The following DIAPH3 variants were observed in gnomAD, a reference collection of about 807,000 sequenced individuals.
DIAPH3 encodes protein diaphanous homolog 3.
In DIAPH3, 117 loss-of-function variants were observed where a neutral mutation model predicts 144.3. The observed-to-expected ratio is 0.81, with a 90% CI of 0.70 to 0.95. The LOEUF is 0.95. DIAPH3 is among the 40% of genes least tolerant of loss of function. DIAPH3 has a pLI of 0.00. For synonymous variants in DIAPH3, 519 were observed against 488.9 expected (o/e 1.06, Z -0.81); for missense variants, 1,421 against 1,412.7 (o/e 1.01, Z -0.09).
chr13:59,928,986 G>T (rs2047887348), intron 17 of DIAPH3, among the ~76,000 whole-genome samples: 1 of 152,128 alleles, frequency 6.6e-6, no homozygotes, highest in Admixed American at 6.6e-5. Flanking sequence ...TAAGAAAGAA[G>T]AGTGTAGCAA....
At chr13:59,730,634 A>T (rs940516651) in intron 27 of DIAPH3, among the ~76,000 whole-genome samples, 4 of 152,210 alleles carry the variant, frequency 2.6e-5, no homozygotes, top group Non-Finnish European at 5.9e-5. Flanking sequence ...TATAAAAAGT[A>T]TAGTAGTAGT....
At chr13:60,026,353 A>T (rs926321033) in intron 5 of DIAPH3, among the ~76,000 whole-genome samples, 25 of 152,194 alleles carry the variant, frequency 1.6e-4, no homozygotes, top group Admixed American at 1.5e-3. Flanking sequence ...AAATTGCTGT[A>T]GAAGTAAATG....
chr13:59,687,793 A>G (rs1209204140), intron 27 of DIAPH3, among the ~76,000 whole-genome samples: 2 of 152,238 alleles, frequency 1.3e-5, no homozygotes, highest in East Asian at 3.9e-4. Flanking sequence ...CAGGCAGGAC[A>G]ACCACATGCC....
In DIAPH3 at chr13:60,016,233, T is replaced by G. The variant is rs1486273123; in HGVS notation, c.627-88A>C. On this transcript the variant is annotated intron_variant, in intron 5 of 27. Transcript: ENST00000400324. ...ATACCTACAAGTATTTTATATTTGC[T>G]ATATTCCTAATCGTAACTAAAACAT... The G allele has an allele frequency of 6.2e-5, 73 of 1,173,938 alleles. 1 individual carries two copies. The South Asian group carries it at 8.8e-4, about 14-fold the overall frequency. The allele number at this position is 1,173,938 out of a possible 1,614,324, so 72.7% of individuals were successfully genotyped here.
At chr13:59,993,722 AC>A (rs1026285099) in intron 9 of DIAPH3, among the ~76,000 whole-genome samples, 9 of 149,194 alleles carry the variant, frequency 6.0e-5, no homozygotes, top group East Asian at 3.9e-4. Context: ...AAAAAAAAAA[AC>A]TTAACAGAAT....
At chr13:59,679,630 A>G (rs761800786) in intron 27 of DIAPH3, among the ~76,000 whole-genome samples, 10 of 152,224 alleles carry the variant, frequency 6.6e-5, no homozygotes, top group Non-Finnish European at 1.2e-4. Flanking sequence ...AGATACAGTA[A>G]CTGTTAGTTG....
intron 17 of DIAPH3, among the ~76,000 whole-genome samples, chr13:59,938,610 A>G (rs1054846027): frequency 6.8e-6 from 1 of 147,438 alleles, no homozygotes; most frequent in South Asian, 2.1e-4. Flanking sequence ...CCTTGTTTGG[A>G]AAAAAAAAAA....
At chr13:59,720,437 TA>T (rs759165224) in intron 27 of DIAPH3, among the ~76,000 whole-genome samples, 30 of 152,188 alleles carry the variant, frequency 2.0e-4, no homozygotes, top group Middle Eastern at 6.8e-3. Flanking sequence ...TTTTATTTTG[TA>T]AAAAAAGTTC....
At chr13:59,890,415 C>A (rs889662217) in intron 20 of DIAPH3, among the ~76,000 whole-genome samples, 10 of 152,124 alleles carry the variant, frequency 6.6e-5, no homozygotes, top group African/African-American at 2.2e-4. Context: ...CTTTTCTCTA[C>A]TGGCTGCTCA....
chr13:60,076,031 G>A (rs942909565), intron 4 of DIAPH3, among the ~76,000 whole-genome samples: 1 of 152,220 alleles, frequency 6.6e-6, no homozygotes. Flanking sequence ...CCTAAGACAA[G>A]TCACAGTCAA....
intron 27 of DIAPH3, among the ~76,000 whole-genome samples, chr13:59,710,607 T>G (rs903580563): frequency 5.3e-5 from 8 of 152,350 alleles, no homozygotes; most frequent in Admixed American, 2.6e-4. Context: ...TGTGTGAGCC[T>G]GGGAAAATCT....
chr13:59,931,125 T>C (rs2047997955), intron 17 of DIAPH3, among the ~76,000 whole-genome samples: 1 of 152,206 alleles, frequency 6.6e-6, no homozygotes, highest in Non-Finnish European at 1.5e-5. Flanking sequence ...ATGTTCTTTT[T>C]GCTATTTTCA....
At chr13:59,765,213 T>G (rs2139218472) in intron 27 of DIAPH3, among the ~76,000 whole-genome samples, 1 of 152,358 alleles carries the variant, frequency 6.6e-6, no homozygotes, top group East Asian at 1.9e-4. Flanking sequence ...CCAAGAACTA[T>G]TCATAGCAAG....
At chr13:59,778,127 A>G (rs1363882747) in intron 25 of DIAPH3, among the ~76,000 whole-genome samples, 1 of 152,104 alleles carries the variant, frequency 6.6e-6, no homozygotes, top group Admixed American at 6.5e-5. Context: ...GCCTTTGAAC[A>G]TGCTATTATA....
intron 20 of DIAPH3, among the ~76,000 whole-genome samples, chr13:59,908,365 G>C (rs1364494386): frequency 1.5e-5 from 1 of 67,330 alleles, no homozygotes; most frequent in African/African-American, 5.5e-5. Context: ...GCTAGACTCT[G>C]TCTCAAAAAA....
At chr13:59,827,878 T>C (rs183437540) in intron 24 of DIAPH3, among the ~76,000 whole-genome samples, 70 of 152,140 alleles carry the variant, frequency 4.6e-4, no homozygotes, top group African/African-American at 1.7e-3. Flanking sequence ...AGCTGTTGGA[T>C]AGATTAAGGA....
intron 3 of DIAPH3, among the ~76,000 whole-genome samples, chr13:60,097,710 G>C (rs1041413235): frequency 2.6e-5 from 4 of 151,640 alleles, no homozygotes; most frequent in Non-Finnish European, 4.4e-5. Context: ...CATCTAACAG[G>C]TCATCCTCCA....
intron 20 of DIAPH3, among the ~76,000 whole-genome samples, chr13:59,886,273 T>C (rs2045443659): frequency 6.6e-6 from 1 of 152,112 alleles, no homozygotes; most frequent in African/African-American, 2.4e-5. Flanking sequence ...ACAAAACTAT[T>C]TGATACAAAG....
chr13:60,075,207 G>A (rs759995068), intron 4 of DIAPH3, among the ~76,000 whole-genome samples: 3 of 152,092 alleles, frequency 2.0e-5, no homozygotes, highest in Non-Finnish European at 4.4e-5. Context: ...TTTTCATGTG[G>A]ATGTATGACA....
Sources: gnomAD v4.1 joint callset for allele counts (sites outside exome capture counted in the v4.1 genomes callset) on GRCh38, gnomAD v4.1.1 for gene constraint, MANE v1.5 for transcripts, NCBI Gene and HGNC (gene_info 2026-07-23, HGNC 2026-07-21) for gene names.